Variants in KATNAL2 observed in about 807,000 individuals in gnomAD.
KATNAL2 encodes the protein katanin p60 ATPase-containing subunit A-like 2.
KATNAL2 carries 52 observed loss-of-function variants against 76.3 expected under a neutral mutation model. The observed-to-expected ratio is 0.68, with a 90% CI of 0.55 to 0.86. The LOEUF is 0.86. Ranked by LOEUF, KATNAL2 falls within the 40% of genes least tolerant of loss-of-function variation. KATNAL2 has a pLI of 0.00. For synonymous variants in KATNAL2, 243 were observed against 244.2 expected (o/e 1.00, Z 0.05); for missense variants, 660 against 668.9 (o/e 0.99, Z 0.15).
chr18:46,934,590 C>G (rs2146580376), intron 1 of KATNAL2, among the ~76,000 whole-genome samples: 1 of 152,240 alleles, frequency 6.6e-6, no homozygotes, highest in Admixed American at 6.5e-5. Flanking sequence ...TTCTCCCATT[C>G]TGTAGGTTGC....
At chr18:46,919,274 G>T (rs1381837886) in intron 1 of KATNAL2, among the ~76,000 whole-genome samples, 1 of 151,984 alleles carries the variant, frequency 6.6e-6, no homozygotes, top group Non-Finnish European at 1.5e-5. Context: ...ATCACCTGAG[G>T]TTGGGAGTTG....
intron 15 of KATNAL2, among the ~76,000 whole-genome samples, chr18:47,097,398 G>A (rs962757048): frequency 6.6e-6 from 1 of 152,192 alleles, no homozygotes; most frequent in Admixed American, 6.5e-5. Context: ...ACACAGATGT[G>A]TGGATCCTGA....
At chr18:46,919,562 T>C (rs1434727461) in intron 1 of KATNAL2, among the ~76,000 whole-genome samples, 2 of 151,760 alleles carry the variant, frequency 1.3e-5, no homozygotes, top group Admixed American at 6.6e-5. Flanking sequence ...GACAGGAAAA[T>C]TGCTTGAACC....
At chr18:47,064,317 G>A (rs2061723970) in intron 10 of KATNAL2, among the ~76,000 whole-genome samples, 1 of 152,178 alleles carries the variant, frequency 6.6e-6, no homozygotes, top group Non-Finnish European at 1.5e-5. Context: ...AGGGAGGCTA[G>A]GAGCTGTTCT....
chr18:47,030,862 C>T (rs2060375522), intron 3 of KATNAL2, among the ~76,000 whole-genome samples: 1 of 16,526 alleles, frequency 6.1e-5, no homozygotes, highest in Non-Finnish European at 1.4e-4. Context: ...AAGGCATGAT[C>T]AGGAACACTG....
At chr18:47,065,275 C>T (rs963672843) in intron 10 of KATNAL2, among the ~76,000 whole-genome samples, 2 of 152,132 alleles carry the variant, frequency 1.3e-5, no homozygotes, top group Non-Finnish European at 2.9e-5. Flanking sequence ...GCCTGGCCAA[C>T]ATGGCAAAAA....
chr18:47,086,606 T>C (rs8085634), intron 15 of KATNAL2, among the ~76,000 whole-genome samples: 99,981 of 152,136 alleles, frequency 0.66, 33,403 homozygotes, highest in African/African-American at 0.79. Context: ...TGAGCCACTG[T>C]GCCCAGCCTG....
At chr18:47,087,686 A>G (rs1049709189) in intron 15 of KATNAL2, among the ~76,000 whole-genome samples, 8 of 152,246 alleles carry the variant, frequency 5.3e-5, no homozygotes, top group African/African-American at 1.9e-4. Flanking sequence ...AAAGTTTAAA[A>G]AAGTGAATAG....
In KATNAL2 at chr18:47,084,504, T is replaced by A. The variant is rs922014803; in HGVS notation, c.1211+7043T>A. 3 of 659,858 alleles carry A rather than the reference T, an allele frequency of 4.5e-6. No homozygotes were observed. The African/African-American group carries it at 5.4e-5, about 12-fold the overall frequency. 40.9% of individuals were successfully genotyped at this position (659,858 alleles called of 1,614,324 possible). A position where few individuals can be genotyped will look rare whatever the true frequency, so the allele number is the denominator to read the frequency against. Reference sequence around the variant, plus strand: ...CCTGGTATGTTCAGGAGATACCAAGTTAAAGACAGTTCAACTGGTTTCCCC... The same window carrying A: ...CCTGGTATGTTCAGGAGATACCAAGATAAAGACAGTTCAACTGGTTTCCCC... On this transcript the variant is annotated intron_variant, in intron 15 of 17. Coordinates refer to ENST00000683218, the MANE Select transcript of KATNAL2 (RefSeq NM_001387690.1).
intron 15 of KATNAL2, among the ~76,000 whole-genome samples, chr18:47,090,350 G>GC (rs1223521888): frequency 1.3e-5 from 2 of 151,966 alleles, no homozygotes; most frequent in Non-Finnish European, 2.9e-5. Context: ...CAGGTGATCT[G>GC]CCCACCTCAG....
chr18:47,099,555 G>A (rs1482842666), intron 16 of KATNAL2, 150 bp downstream of exon 16: 3 of 680,332 alleles, frequency 4.4e-6, no homozygotes, highest in East Asian at 5.7e-5. Context: ...TCTTCACGAA[G>A]AATAAGCTCC....
intron 7 of KATNAL2, among the ~76,000 whole-genome samples, chr18:47,058,901 A>C (rs1268970137): frequency 2.6e-5 from 4 of 152,132 alleles, no homozygotes; most frequent in Non-Finnish European, 4.4e-5. Flanking sequence ...GCAAGGAGAG[A>C]ATCCAGCAGG....
At chr18:47,069,719 G>T in intron 13 of KATNAL2, 119 bp downstream of exon 13, 1 of 628,816 alleles carries the variant, frequency 1.6e-6, no homozygotes, top group Non-Finnish European at 2.8e-6. Context: ...ATCCACTCCT[G>T]GATCTTGATT....
At position 47,100,351 on chromosome 18, in the gene KATNAL2, A is replaced by T; in HGVS notation, c.1472A>T (p.Gln491Leu). ...ATCTTTGATGCACTTGAAAATCACCAGTCAGGTATGGGTTGGATCACCATG... is the reference window on the plus strand; with the variant it reads ...ATCTTTGATGCACTTGAAAATCACCTGTCAGGTATGGGTTGGATCACCATG... ...RKIFDALENH[Q>L]SESSDLPRIQ... The change falls in exon 17 of 18, where the codon CAG becomes CTG. Residue 491 changes from glutamine (Q) to leucine (L), a missense_variant. Gln to Leu is a moderately radical substitution (Grantham distance 113). Coordinates refer to ENST00000683218, the MANE Select transcript of KATNAL2 (RefSeq NM_001387690.1). 2.5e-6 allele frequency: 4 copies of T among 1,612,868 alleles called. No homozygotes were observed. The highest frequency in any genetic ancestry group is 1.7e-4 in the Middle Eastern group (1 of 6,060).
At chr18:46,959,783 C>T (rs906693006) in intron 3 of KATNAL2, among the ~76,000 whole-genome samples, 1 of 152,104 alleles carries the variant, frequency 6.6e-6, no homozygotes, top group African/African-American at 2.4e-5. Context: ...CCATGTTGGC[C>T]AGGCTGGCCT....
chr18:47,084,888 A>G (rs2062704743), intron 15 of KATNAL2, among the ~76,000 whole-genome samples: 1 of 121,492 alleles, frequency 8.2e-6, no homozygotes, highest in Admixed American at 9.5e-5. Flanking sequence ...CTGCCTCTGG[A>G]CTCTTGTACT....
chr18:46,918,386 CCCA>C (rs1361567303), intron 1 of KATNAL2, among the ~76,000 whole-genome samples: 5 of 152,174 alleles, frequency 3.3e-5, no homozygotes, highest in Non-Finnish European at 7.3e-5. Context: ...ACCGCCTCTT[CCCA>C]CTACCCCTCG....
intron 15 of KATNAL2, among the ~76,000 whole-genome samples, chr18:47,088,836 TTAAA>T (rs2062883644): frequency 6.6e-6 from 1 of 152,236 alleles, no homozygotes; most frequent in African/African-American, 2.4e-5. Context: ...GTGTCAGTCT[TTAAA>T]TCACTTTTAG....
intron 1 of KATNAL2, among the ~76,000 whole-genome samples, chr18:46,925,118 C>T (rs371196344): frequency 2.8e-4 from 43 of 152,130 alleles, no homozygotes; most frequent in East Asian, 1.7e-3. Context: ...TCCAACAGTA[C>T]GTTGAATGGG....
Sources: allele counts gnomAD v4.1 joint callset (sites outside exome capture counted in the v4.1 genomes callset), GRCh38; gene constraint gnomAD v4.1.1; transcripts MANE v1.5; gene names NCBI Gene and HGNC (gene_info 2026-07-23, HGNC 2026-07-21).